FAM13B: variants seen among roughly 807,000 people sequenced by gnomAD.
FAM13B encodes the protein family with sequence similarity 13 member B.
A neutral mutation model predicts 117.3 loss-of-function variants in FAM13B; 60 were observed. The ratio of observed to expected loss-of-function variants is 0.51; its 90% confidence interval spans 0.42 to 0.63. The LOEUF is 0.63. Among genes scored for constraint, FAM13B ranks in the 30% least tolerant of loss-of-function variants. FAM13B has a pLI of 0.00. For synonymous variants in FAM13B, 332 were observed against 356.1 expected (o/e 0.93, Z 0.76); for missense variants, 972 against 1,091.9 (o/e 0.89, Z 1.55).
Position 138,017,472 on chromosome 5 carries a change from C to T in FAM13B, c.370+830G>A, listed in dbSNP as rs998624852. 2.0e-5 allele frequency among the ~76,000 whole-genome samples: 3 copies of T among 152,034 alleles called. No individual in the cohort carries two copies. In the East Asian group the frequency reaches 5.8e-4, roughly 29 times the overall value. On this transcript the variant is annotated intron_variant, in intron 4 of 23. Coordinates refer to ENST00000689681, the MANE Select transcript of FAM13B (RefSeq NM_001385994.1). Reference sequence around the variant, plus strand: ...CATAACTGAATTTCTTTAGAAGCCCCGATTCAAAAAATAAATGAACTCCAT... The same window carrying T: ...CATAACTGAATTTCTTTAGAAGCCCTGATTCAAAAAATAAATGAACTCCAT...
chr5:138,022,611 C>T lies in FAM13B; in HGVS notation c.-202-1414G>A, dbSNP rs557874774. ...ACATGTAGTTAATCTACCTATCTATCCATTTGAAAACAATTTCGAAGTTAA... is the reference window on the plus strand; with the variant it reads ...ACATGTAGTTAATCTACCTATCTATTCATTTGAAAACAATTTCGAAGTTAA... On this transcript the variant is annotated intron_variant, in intron 1 of 23. Coordinates refer to ENST00000689681, the MANE Select transcript of FAM13B (RefSeq NM_001385994.1). Among the ~76,000 whole-genome samples, 5 of 152,230 alleles carry T rather than the reference C, an allele frequency of 3.3e-5. No individual in the cohort carries two copies. The East Asian group carries it at 9.6e-4, about 29-fold the overall frequency.
intron 1 of FAM13B, among the ~76,000 whole-genome samples, chr5:138,023,124 C>T (rs957768745): frequency 3.9e-5 from 6 of 152,150 alleles, no homozygotes; most frequent in Non-Finnish European, 5.9e-5. Context: ...ATTATCTCAT[C>T]TCATGACCTC....
At chr5:137,966,765 C>T (rs1770095241) in intron 10 of FAM13B, among the ~76,000 whole-genome samples, 1 of 152,086 alleles carries the variant, frequency 6.6e-6, no homozygotes, top group Admixed American at 6.6e-5. Context: ...GGCACTGTCA[C>T]TCATTGCTGG....
chr5:137,945,482 T>C (rs1355736836), intron 20 of FAM13B, among the ~76,000 whole-genome samples: 1 of 152,242 alleles, frequency 6.6e-6, no homozygotes, highest in Non-Finnish European at 1.5e-5. Flanking sequence ...GACATCATCA[T>C]GGCCACCACA....
intron 1 of FAM13B, among the ~76,000 whole-genome samples, chr5:138,041,398 G>A (rs1353060280): frequency 4.6e-5 from 7 of 152,076 alleles, no homozygotes; most frequent in Non-Finnish European, 1.0e-4. Context: ...TGTTTAAGAG[G>A]AGGCTAAATA....
At chr5:138,007,492 C>G (rs776416899) in intron 6 of FAM13B, among the ~76,000 whole-genome samples, 16 of 152,104 alleles carry the variant, frequency 1.1e-4, no homozygotes, top group Non-Finnish European at 1.9e-4. Flanking sequence ...AAATGTAACA[C>G]TTACAACAGA....
chr5:137,988,886 G>C (rs951946049), intron 7 of FAM13B, among the ~76,000 whole-genome samples: 1 of 152,144 alleles, frequency 6.6e-6, no homozygotes. Flanking sequence ...ATATACTTGT[G>C]GGGGTGAGAG....
chr5:137,940,807 CGCTA>C (rs1249776639), intron 23 of FAM13B, among the ~76,000 whole-genome samples: 1 of 152,180 alleles, frequency 6.6e-6, no homozygotes, highest in Admixed American at 6.5e-5. Context: ...TCAGTTTAAT[CGCTA>C]GCTAAAGCAT....
intron 10 of FAM13B, among the ~76,000 whole-genome samples, chr5:137,980,629 G>A (rs1214630333): frequency 4.0e-5 from 6 of 151,538 alleles, no homozygotes; most frequent in Non-Finnish European, 8.8e-5. Context: ...TTGTAGAGAC[G>A]GGGTTTCACC....
intron 17 of FAM13B, among the ~76,000 whole-genome samples, chr5:137,949,596 A>G (rs544850432): frequency 6.6e-4 from 100 of 152,318 alleles, no homozygotes; most frequent in Middle Eastern, 3.4e-3. Flanking sequence ...CCTGGTCCAC[A>G]TGGCAAAACC....
At position 137,941,973 on chromosome 5, in the gene FAM13B, A is replaced by C; in HGVS notation, c.2661T>G (p.Phe887Leu). 6.2e-7 allele frequency: 1 copy of C among 1,614,096 alleles called. No individual in the cohort carries two copies. Among genetic ancestry groups the C allele is most frequent in the Non-Finnish European group, 8.5e-7 (1 of 1,180,010 alleles). The change falls in exon 23 of 24, where the codon TTT becomes TTG. Residue 887 changes from phenylalanine (F) to leucine (L), a missense_variant. Physicochemically the swap from Phe to Leu is conservative, Grantham distance 22. Transcript: ENST00000689681. The stretch of plus-strand genomic sequence containing the variant: ...CATTTTGTTGATAAAATGCTTCTTC[A>C]AATTCCCGCAACGTTTTGCGTAGTT... Reference protein sequence around the residue: ...KKKLRKTLREFEEAFYQQNGR... With the variant: ...KKKLRKTLRELEEAFYQQNGR...
At chr5:137,953,790 G>C (rs1765674800) in intron 15 of FAM13B, among the ~76,000 whole-genome samples, 2 of 152,166 alleles carry the variant, frequency 1.3e-5, no homozygotes, top group South Asian at 4.1e-4. Context: ...TCCATTTAAA[G>C]CTTTGATAAA....
Position 137,939,222 on chromosome 5 carries a change from AG to A in FAM13B, c.*1002del, listed in dbSNP as rs1373482091. On this transcript the variant is annotated 3_prime_UTR_variant, in exon 24 of 24. Transcript: ENST00000689681. Reference sequence around the variant, plus strand: ...TATGGATTTTGCTGATTAAAATAGGAGGGGAAAAAAAAAAAGATAACCCCCT... The same window carrying A: ...TATGGATTTTGCTGATTAAAATAGGAGGGAAAAAAAAAAAGATAACCCCCT... 1 of 151,916 alleles carries A rather than the reference AG, an allele frequency of 6.6e-6. No individual in the cohort carries two copies. The highest frequency in any genetic ancestry group is 2.4e-5 in the African/African-American group (1 of 41,226). 9.4% of individuals were successfully genotyped at this position (151,916 alleles called of 1,614,324 possible). A position where few individuals can be genotyped will look rare whatever the true frequency, so the allele number is the denominator to read the frequency against.
At chr5:138,016,771 T>C (rs2150953688) in intron 4 of FAM13B, among the ~76,000 whole-genome samples, 1 of 152,306 alleles carries the variant, frequency 6.6e-6, no homozygotes, top group South Asian at 2.1e-4. Flanking sequence ...AATTTATAAA[T>C]TTTCATTCAG....
intron 1 of FAM13B, among the ~76,000 whole-genome samples, chr5:138,025,306 TA>T (rs1158475445): frequency 0.023 from 2,179 of 93,790 alleles, 237 homozygotes; most frequent in African/African-American, 0.046. Context: ...TATATATATA[TA>T]TATGTATTTT....
chr5:137,962,687 TTCTC>T (rs1047185281), intron 10 of FAM13B, among the ~76,000 whole-genome samples: 1 of 152,162 alleles, frequency 6.6e-6, no homozygotes, highest in African/African-American at 2.4e-5. Context: ...TACTCTGCAT[TTCTC>T]TCTATTAGGT....
chr5:138,044,794 GAC>G (rs1791597926), intron 1 of FAM13B, among the ~76,000 whole-genome samples: 1 of 152,112 alleles, frequency 6.6e-6, no homozygotes, highest in Admixed American at 6.6e-5. Context: ...TTTTTAAAAA[GAC>G]AATCTAATAT....
intron 10 of FAM13B, among the ~76,000 whole-genome samples, chr5:137,980,440 CTTTTTTTTTTTT>C (rs11309404): frequency 1.2e-5 from 1 of 84,954 alleles, no homozygotes; most frequent in Non-Finnish European, 2.4e-5. Flanking sequence ...ACACTAATTT[CTTTTTTTTTTTT>C]TTTTTTTTGA....
intron 7 of FAM13B, among the ~76,000 whole-genome samples, chr5:137,991,529 T>G (rs1778598114): frequency 6.6e-6 from 1 of 152,216 alleles, no homozygotes. Context: ...TTGTTGGAGA[T>G]CTATACTTTA....
Sources: allele counts gnomAD v4.1 joint callset (sites outside exome capture counted in the v4.1 genomes callset), GRCh38; gene constraint gnomAD v4.1.1; transcripts MANE v1.5; gene names NCBI Gene and HGNC (gene_info 2026-07-23, HGNC 2026-07-21).